Variants in KAZN observed in about 807,000 individuals in gnomAD.
The protein encoded by KAZN is kazrin, periplakin interacting protein, also known as kazrin.
KAZN carries 40 observed loss-of-function variants against 87.4 expected under a neutral mutation model. The ratio of observed to expected loss-of-function variants is 0.46; its 90% CI spans 0.36 to 0.60. KAZN has a LOEUF of 0.60. KAZN is among the 20% of genes least tolerant of loss of function. The pLI is 0.00. For synonymous variants in KAZN, 466 were observed against 458.3 expected, an observed-to-expected ratio of 1.02 and a Z score of -0.22; for missense variants, 898 against 1,073.9, an observed-to-expected ratio of 0.84 and a Z score of 2.29.
At chr1:14,223,959 G>A (rs1647171418) in intron 2 of KAZN, among the ~76,000 whole-genome samples, 1 of 152,180 alleles carries the variant, frequency 6.6e-6, no homozygotes, top group South Asian at 2.1e-4. Context: ...AACACGAAGG[G>A]AGAACCATCC....
chr1:14,943,010 GTGTGTGTGTGTGT>G (rs1557644873), intron 1 of KAZN, among the ~76,000 whole-genome samples: 9,978 of 76,598 alleles, frequency 0.13, 557 homozygotes, highest in Admixed American at 0.25. Context: ...TGTGTGTGGT[GTGTGTGTGTGTGT>G]GTGTGTGTGT....
chr1:14,685,038 C>T (rs144618586), intron 1 of KAZN, among the ~76,000 whole-genome samples: 59 of 152,204 alleles, frequency 3.9e-4, no homozygotes, highest in African/African-American at 1.4e-3. Context: ...GAGTAAAACT[C>T]GTATCTGAGG....
At chr1:14,271,924 C>T (rs1390066068) in intron 2 of KAZN, among the ~76,000 whole-genome samples, 1 of 152,134 alleles carries the variant, frequency 6.6e-6, no homozygotes, top group East Asian at 1.9e-4. Context: ...AAGGCACATC[C>T]CAAAATATGT....
chr1:14,999,281 A>T (rs955669407), intron 2 of KAZN, among the ~76,000 whole-genome samples: 2 of 152,216 alleles, frequency 1.3e-5, no homozygotes, highest in Non-Finnish European at 2.9e-5. Context: ...CCCAGGTCTT[A>T]CTGCGTGTGA....
intron 2 of KAZN, among the ~76,000 whole-genome samples, chr1:14,568,227 G>T (rs1387819875): frequency 6.6e-6 from 1 of 152,172 alleles, no homozygotes; most frequent in African/African-American, 2.4e-5. Flanking sequence ...TGCCTATCAT[G>T]AGGGCCACAT....
intron 2 of KAZN, among the ~76,000 whole-genome samples, chr1:14,277,677 A>G (rs1026546801): frequency 2.0e-5 from 3 of 150,290 alleles, no homozygotes; most frequent in Admixed American, 2.0e-4. Flanking sequence ...AAAAAAAAAA[A>G]GAAAAAAGAA....
intron 1 of KAZN, among the ~76,000 whole-genome samples, chr1:13,918,046 C>G (rs939900887): frequency 5.9e-5 from 9 of 152,156 alleles, no homozygotes; most frequent in Admixed American, 2.6e-4. Context: ...TGTTTTCATG[C>G]CTGCTAACAC....
Position 15,094,862 on chromosome 1 carries a change from G to GT in KAZN, c.1477dup (p.Cys493LeufsTer18). On this transcript the variant is annotated frameshift_variant, in exon 10 of 15. Coordinates refer to ENST00000376030, the MANE Select transcript of KAZN (RefSeq NM_201628.3). LOFTEE classifies it high-confidence loss of function. This position sits in a 1 kb window ranked among gnomAD's most constrained non-coding sequence, Gnocchi z 4.5. ...AGGACCTGCAGCTGGGCCTTGGGGT[G>GT]TGCAGCTCCCTGCACCGGCGCAAGC... 6.4e-7 allele frequency: 1 copy of GT among 1,550,744 alleles called. No individual in the cohort carries two copies. Among genetic ancestry groups the GT allele is most frequent in the Non-Finnish European group, 8.7e-7 (1 of 1,146,814 alleles).
chr1:14,237,637 CA>C (rs1238135536), intron 2 of KAZN, among the ~76,000 whole-genome samples: 1 of 152,068 alleles, frequency 6.6e-6, no homozygotes, highest in East Asian at 1.9e-4. Flanking sequence ...TTGGTGTAAT[CA>C]ATATAATGAA....
At chr1:14,540,766 C>G (rs367612617) in intron 2 of KAZN, among the ~76,000 whole-genome samples, 2 of 152,136 alleles carry the variant, frequency 1.3e-5, no homozygotes, top group Admixed American at 1.3e-4. Flanking sequence ...GTTCCTGACA[C>G]GTTGGAAAAT....
chr1:14,173,025 C>T (rs1205841432), intron 1 of KAZN, among the ~76,000 whole-genome samples: 1 of 152,144 alleles, frequency 6.6e-6, no homozygotes, highest in Non-Finnish European at 1.5e-5. Flanking sequence ...ATGACCTAGC[C>T]TTAGAAATCC....
chr1:14,279,519 G>A (rs980507725), intron 2 of KAZN, among the ~76,000 whole-genome samples: 2 of 152,200 alleles, frequency 1.3e-5, no homozygotes, highest in African/African-American at 4.8e-5. Flanking sequence ...GACATCTCTT[G>A]TTAGTGCAGT....
intron 2 of KAZN, among the ~76,000 whole-genome samples, chr1:15,006,279 G>T (rs980177281): frequency 1.3e-5 from 2 of 152,214 alleles, no homozygotes; most frequent in African/African-American, 4.8e-5. Flanking sequence ...GCCAGGGGAG[G>T]TTTGAGCTAA....
intron 1 of KAZN, among the ~76,000 whole-genome samples, chr1:13,952,714 A>C (rs1286079731): frequency 1.3e-5 from 2 of 152,142 alleles, no homozygotes; most frequent in Non-Finnish European, 2.9e-5. Flanking sequence ...GACGCATGAC[A>C]TTGAAAGGTC....
chr1:14,003,725 CA>C (rs1182181361), intron 1 of KAZN, among the ~76,000 whole-genome samples: 1 of 152,004 alleles, frequency 6.6e-6, no homozygotes, highest in African/African-American at 2.4e-5. Context: ...AAAGCAAAAG[CA>C]AGCAAAAACA....
At chr1:14,603,628 A>G (rs1677141139) in intron 1 of KAZN, among the ~76,000 whole-genome samples, 1 of 152,110 alleles carries the variant, frequency 6.6e-6, no homozygotes, top group African/African-American at 2.4e-5. Flanking sequence ...TGGTTTTCCA[A>G]CACCTCTTTG....
At chr1:14,861,931 T>C (rs1201008693) in intron 1 of KAZN, among the ~76,000 whole-genome samples, 1 of 152,190 alleles carries the variant, frequency 6.6e-6, no homozygotes, top group Non-Finnish European at 1.5e-5. Context: ...GAAACGGGAT[T>C]GGTGGCATCA....
rs529367088 is a variant in KAZN at position 14,797,412 on chromosome 1, A to C, written c.227-163272A>C. Among the ~76,000 whole-genome samples, 8 of 152,210 alleles carry C rather than the reference A, an allele frequency of 5.3e-5. No homozygotes were observed. The East Asian group carries it at 1.5e-3, about 29-fold the overall frequency. On this transcript the variant is annotated intron_variant, in intron 1 of 14. Coordinates refer to ENST00000376030, the MANE Select transcript of KAZN (RefSeq NM_201628.3). Reference sequence around the variant, plus strand: ...GTTTTGTCCAAGAAGCGCTAACTGGAGACTCTAGCAGTGGGAACCTGGAAG... The same window carrying C: ...GTTTTGTCCAAGAAGCGCTAACTGGCGACTCTAGCAGTGGGAACCTGGAAG...
intron 1 of KAZN, among the ~76,000 whole-genome samples, chr1:14,783,828 A>T (rs1355215822): frequency 6.6e-6 from 1 of 152,066 alleles, no homozygotes; most frequent in Non-Finnish European, 1.5e-5. Flanking sequence ...AGGGGTTGTG[A>T]TGGAAGTAAT....
Sources: allele counts gnomAD v4.1 joint callset (sites outside exome capture counted in the v4.1 genomes callset), GRCh38; gene constraint gnomAD v4.1.1; non-coding constraint Gnocchi (gnomAD v3.1); transcripts MANE v1.5; gene names NCBI Gene and HGNC (gene_info 2026-07-23, HGNC 2026-07-21).